WDPCP: variants seen among roughly 807,000 people sequenced by gnomAD.
The protein encoded by WDPCP is WD repeat containing planar cell polarity effector, also known as WD repeat-containing and planar cell polarity effector protein fritz homolog.
A neutral mutation model predicts 93.1 loss-of-function variants in WDPCP; 71 were observed. The observed-to-expected ratio is 0.76, with a 90% CI of 0.63 to 0.93. WDPCP has a LOEUF of 0.93. Ranked by LOEUF, WDPCP falls within the 40% of genes least tolerant of loss-of-function variation. The pLI is 0.00. For missense variants in WDPCP, 844 were observed against 887.4 expected, an observed-to-expected ratio of 0.95 and a Z score of 0.62; for synonymous variants, 315 against 315.0, an observed-to-expected ratio of 1.00 and a Z score of 0.00.
upstream of WDPCP, among the ~76,000 whole-genome samples, chr2:63,591,217 G>A (rs1214792150): frequency 1.3e-5 from 2 of 152,198 alleles, no homozygotes; most frequent in African/African-American, 4.8e-5. Flanking sequence ...AGTAACCTAT[G>A]TTCACACTAT....
chr2:63,171,838 A>G (rs1227774725), intron 15 of WDPCP, among the ~76,000 whole-genome samples: 1 of 152,232 alleles, frequency 6.6e-6, no homozygotes, highest in Non-Finnish European at 1.5e-5. Flanking sequence ...CATCCATGTA[A>G]TAGAATACTA....
chr2:63,829,738 T>C (rs564871721), upstream of WDPCP, among the ~76,000 whole-genome samples: 7 of 152,264 alleles, frequency 4.6e-5, no homozygotes, highest in African/African-American at 1.4e-4. Flanking sequence ...ACATTGTTGA[T>C]ATTTGTATTA....
chr2:63,583,208 T>C (rs1283878087), intron 1 of WDPCP, among the ~76,000 whole-genome samples: 2 of 152,094 alleles, frequency 1.3e-5, no homozygotes, highest in Non-Finnish European at 2.9e-5. Context: ...AAAGGATGTA[T>C]GCTATAAACC....
intron 17 of WDPCP, among the ~76,000 whole-genome samples, chr2:63,147,505 ATGAGTTTAGTT>A (rs1671598197): frequency 2.0e-5 from 3 of 152,180 alleles, no homozygotes; most frequent in Non-Finnish European, 4.4e-5. Flanking sequence ...GGGGAAAATG[ATGAGTTTAGTT>A]TAAGACATCT....
At chr2:63,437,725 A>C (rs1312908580) in intron 7 of WDPCP, 171 bp from the exon 8 acceptor site, 1 of 1,054,554 alleles carries the variant, frequency 9.5e-7, no homozygotes, top group Non-Finnish European at 1.3e-6. Flanking sequence ...AGGAATAAAC[A>C]ATAATTGTCA....
intron 2 of WDPCP, among the ~76,000 whole-genome samples, chr2:63,787,078 T>C (rs1670478460): frequency 6.6e-6 from 1 of 152,106 alleles, no homozygotes; most frequent in African/African-American, 2.4e-5. Context: ...TGCCTTGACA[T>C]TTAAAAAAAT....
At chr2:63,588,830 G>C, upstream of WDPCP, 1 of 592,688 alleles carries the variant, frequency 1.7e-6, no homozygotes, top group Non-Finnish European at 3.0e-6. Context: ...CTCTGGTATC[G>C]GGAAGTGTAG....
chr2:63,693,448 TA>T (rs1252068726), intron 2 of WDPCP, among the ~76,000 whole-genome samples: 11 of 137,458 alleles, frequency 8.0e-5, no homozygotes, highest in Non-Finnish European at 1.3e-4. Flanking sequence ...ATTAGATAGA[TA>T]GATAGATAGA....
intron 12 of WDPCP, among the ~76,000 whole-genome samples, chr2:63,351,877 C>T (rs1689650732): frequency 6.6e-6 from 1 of 152,212 alleles, no homozygotes; most frequent in South Asian, 2.1e-4. Flanking sequence ...GACTAATTTA[C>T]ACTCCCAACA....
chr2:63,299,605 G>C (rs1485400335), intron 13 of WDPCP, among the ~76,000 whole-genome samples: 2 of 152,136 alleles, frequency 1.3e-5, no homozygotes, highest in Non-Finnish European at 2.9e-5. Context: ...TTTGGTTTCT[G>C]GAAGGTACCC....
chr2:63,701,018 A>G (rs913728172), intron 2 of WDPCP, among the ~76,000 whole-genome samples: 1 of 152,204 alleles, frequency 6.6e-6, no homozygotes, highest in African/African-American at 2.4e-5. Context: ...AAGACAAATG[A>G]GATTACATCA....
chr2:63,198,375 T>G (rs1159771435), intron 14 of WDPCP, among the ~76,000 whole-genome samples: 1 of 152,356 alleles, frequency 6.6e-6, no homozygotes, highest in East Asian at 1.9e-4. Context: ...TTGCAGGATA[T>G]TCCCAGATTT....
intron 13 of WDPCP, among the ~76,000 whole-genome samples, chr2:63,269,360 C>T: frequency 6.6e-6 from 1 of 152,072 alleles, no homozygotes; most frequent in East Asian, 1.9e-4. Context: ...AATTGGCTTC[C>T]ACTCAACAAA....
intron 1 of WDPCP, among the ~76,000 whole-genome samples, chr2:63,539,012 T>A (rs1475987501): frequency 1.3e-5 from 2 of 152,162 alleles, no homozygotes; most frequent in Admixed American, 6.5e-5. Context: ...TTTTCTCAAT[T>A]TTCTCCTTTG....
chr2:63,404,581 G>A lies in WDPCP; in HGVS notation c.902C>T (p.Thr301Ile), dbSNP rs1230955367. Reference sequence around the variant, plus strand: ...GTCTACACTTACGGAGTGCTCCACTGTGAACACCTGATAAGGCTGTTTGGT... The same window carrying A: ...GTCTACACTTACGGAGTGCTCCACTATGAACACCTGATAAGGCTGTTTGGT... Reference protein sequence around the residue: ...FGTKQPYQVFTVEHSVSVDKE... With the variant: ...FGTKQPYQVFIVEHSVSVDKE... The change falls in exon 10 of 18, where the codon ACA becomes ATA. Residue 301 changes from threonine to isoleucine, a missense_variant. Physicochemically the swap from Thr to Ile is moderately conservative, Grantham distance 89. Transcript: ENST00000272321. The A allele has an allele frequency of 1.2e-6, 2 of 1,613,938 alleles. No individual in the cohort carries two copies. The highest frequency in any genetic ancestry group is 2.7e-5 in the African/African-American group (2 of 74,934).
At chr2:63,184,314 G>A (rs1331559182) in intron 14 of WDPCP, among the ~76,000 whole-genome samples, 1 of 151,822 alleles carries the variant, frequency 6.6e-6, no homozygotes. Flanking sequence ...TATAAGACCT[G>A]TGAGTTTTAT....
At chr2:63,765,401 T>G (rs1670123491) in intron 2 of WDPCP, among the ~76,000 whole-genome samples, 1 of 152,172 alleles carries the variant, frequency 6.6e-6, no homozygotes, top group Non-Finnish European at 1.5e-5. Flanking sequence ...CAGAACAGTT[T>G]ATGAAGGAGC....
intron 1 of WDPCP, among the ~76,000 whole-genome samples, chr2:63,496,441 T>C (rs932112845): frequency 2.0e-5 from 3 of 152,176 alleles, no homozygotes; most frequent in Admixed American, 2.0e-4. Flanking sequence ...TTCACTAAGT[T>C]TGAAAGTCCT....
intron 6 of WDPCP, among the ~76,000 whole-genome samples, chr2:63,474,610 T>C (rs1021479852): frequency 5.9e-5 from 9 of 152,124 alleles, no homozygotes; most frequent in Non-Finnish European, 5.9e-5. Flanking sequence ...ATTTTAATGA[T>C]TGGTAGGAAA....
Sources: allele counts gnomAD v4.1 joint callset (sites outside exome capture counted in the v4.1 genomes callset), GRCh38; gene constraint gnomAD v4.1.1; transcripts MANE v1.5; gene names NCBI Gene and HGNC (gene_info 2026-07-23, HGNC 2026-07-21).